CCDC138: variants seen among roughly 807,000 people sequenced by gnomAD.
CCDC138 encodes the protein coiled-coil domain containing 138.
Under a neutral mutation model 82.3 loss-of-function variants are expected in CCDC138, and 66 were observed. That is an observed-to-expected ratio of 0.80 (90% CI 0.66 to 0.98). The LOEUF is 0.98. Ranked by LOEUF, CCDC138 falls within the 50% of genes least tolerant of loss-of-function variation. CCDC138 has a pLI of 0.00. For missense variants in CCDC138, 816 were observed against 758.9 expected, an observed-to-expected ratio of 1.08 and a Z score of -0.88; for synonymous variants, 297 against 265.4, an observed-to-expected ratio of 1.12 and a Z score of -1.16.
At chr2:108,797,709 A>C (rs1019926172) in intron 5 of CCDC138, among the ~76,000 whole-genome samples, 1 of 152,162 alleles carries the variant, frequency 6.6e-6, no homozygotes, top group Non-Finnish European at 1.5e-5. Context: ...TATGAGAAAG[A>C]GATTGATGTT....
At chr2:108,850,733 G>C (rs1691332558) in intron 12 of CCDC138, among the ~76,000 whole-genome samples, 1 of 152,164 alleles carries the variant, frequency 6.6e-6, no homozygotes, top group South Asian at 2.1e-4. Context: ...TTACAGGCGT[G>C]AGCCACTGCG....
At chr2:108,853,632 T>C (rs1168663049) in intron 12 of CCDC138, among the ~76,000 whole-genome samples, 1 of 150,278 alleles carries the variant, frequency 6.7e-6, no homozygotes, top group Non-Finnish European at 1.5e-5. Flanking sequence ...GCTCAAGCAG[T>C]CCTCTTGCCT....
At chr2:108,814,387 G>C (rs994766457) in intron 9 of CCDC138, among the ~76,000 whole-genome samples, 2 of 152,028 alleles carry the variant, frequency 1.3e-5, no homozygotes, top group Middle Eastern at 3.2e-3. Context: ...TTTATAAATT[G>C]AGAAAATTGG....
chr2:108,844,957 A>G (rs1690188935), intron 11 of CCDC138, among the ~76,000 whole-genome samples: 1 of 152,110 alleles, frequency 6.6e-6, no homozygotes, highest in Admixed American at 6.5e-5. Flanking sequence ...CATGTTGGCC[A>G]GAATGGTCTT....
intron 10 of CCDC138, among the ~76,000 whole-genome samples, chr2:108,827,428 A>T (rs1240947368): frequency 1.3e-5 from 2 of 152,232 alleles, no homozygotes; most frequent in African/African-American, 4.8e-5. Flanking sequence ...TGATATGAAA[A>T]CTTAATTGGA....
intron 7 of CCDC138, among the ~76,000 whole-genome samples, chr2:108,811,468 A>G (rs970420594): frequency 1.3e-5 from 2 of 151,402 alleles, no homozygotes; most frequent in African/African-American, 4.9e-5. Context: ...CTGGTCTTGA[A>G]CTGGGCTCAA....
intron 12 of CCDC138, among the ~76,000 whole-genome samples, chr2:108,853,856 A>ATAT (rs1221951279): frequency 3.1e-5 from 4 of 127,760 alleles, no homozygotes; most frequent in African/African-American, 9.0e-5. Flanking sequence ...TATATACTAT[A>ATAT]TATATAATAT....
intron 10 of CCDC138, among the ~76,000 whole-genome samples, chr2:108,838,069 A>G (rs1688866967): frequency 6.6e-6 from 1 of 152,166 alleles, no homozygotes; most frequent in Admixed American, 6.6e-5. Context: ...GTTAGTTTGA[A>G]TAATTTTGGC....
chr2:108,855,738 T>C (rs531320696), intron 12 of CCDC138, among the ~76,000 whole-genome samples: 5 of 152,338 alleles, frequency 3.3e-5, no homozygotes, highest in Admixed American at 2.0e-4. Context: ...ACACAAGTTA[T>C]TCTAAACTTC....
At chr2:108,829,253 AAT>A (rs1687129270) in intron 10 of CCDC138, among the ~76,000 whole-genome samples, 1 of 152,202 alleles carries the variant, frequency 6.6e-6, no homozygotes, top group African/African-American at 2.4e-5. Context: ...TGCTACCCAC[AAT>A]ATATAAGGAA....
intron 4 of CCDC138, among the ~76,000 whole-genome samples, chr2:108,793,547 TC>T (rs1378939776): frequency 6.6e-6 from 1 of 152,144 alleles, no homozygotes; most frequent in Non-Finnish European, 1.5e-5. Context: ...TACCCTATGA[TC>T]TAGCAATTTT....
At chr2:108,812,251 CAT>C in intron 7 of CCDC138, among the ~76,000 whole-genome samples, 1 of 152,228 alleles carries the variant, frequency 6.6e-6, no homozygotes. Flanking sequence ...CACATATACA[CAT>C]AGTCCCAGTA....
chr2:108,796,110 G>A (rs1329684064), intron 5 of CCDC138, among the ~76,000 whole-genome samples: 4 of 152,030 alleles, frequency 2.6e-5, no homozygotes, highest in Non-Finnish European at 5.9e-5. Context: ...GTGCAGTGGC[G>A]CAATCTCGGC....
chr2:108,849,662 A>AAAAAAG (rs1691108946), intron 12 of CCDC138, among the ~76,000 whole-genome samples: 1 of 152,180 alleles, frequency 6.6e-6, no homozygotes, highest in African/African-American at 2.4e-5. Context: ...TGGTGGCCTC[A>AAAAAAG]AAAAAGAAAA....
chr2:108,818,725 T>G (rs1685177458), intron 10 of CCDC138, among the ~76,000 whole-genome samples: 1 of 152,130 alleles, frequency 6.6e-6, no homozygotes, highest in South Asian at 2.1e-4. Context: ...TGTTAACCAC[T>G]TGGGCAAGCA....
At chr2:108,799,674 T>C (rs74494662) in intron 6 of CCDC138, among the ~76,000 whole-genome samples, 2 of 152,216 alleles carry the variant, frequency 1.3e-5, no homozygotes, top group South Asian at 2.1e-4. Flanking sequence ...TTTCTGTCTT[T>C]GGCCAAATTT....
intron 5 of CCDC138, among the ~76,000 whole-genome samples, chr2:108,794,936 G>A (rs1305148388): frequency 2.0e-5 from 3 of 152,212 alleles, no homozygotes; most frequent in Non-Finnish European, 4.4e-5. Flanking sequence ...TTATTTGTAG[G>A]TGTGTGTTTC....
At position 108,815,753 on chromosome 2, in the gene CCDC138, A is replaced by C. The variant is rs1574042002; in HGVS notation, c.1042-188A>C. ...AGTGGTGGGATTACAGGCTTGAGCC[A>C]CTGCGCCAGGCAGGTTGGGGAGGTT... On this transcript the variant is annotated intron_variant, in intron 9 of 14. Coordinates refer to ENST00000295124, the MANE Select transcript of CCDC138 (RefSeq NM_144978.3). Among the ~76,000 whole-genome samples the C allele has an allele frequency of 3.3e-5, 5 of 152,108 alleles. No individual in the cohort carries two copies. The South Asian group carries it at 1.0e-3, about 32-fold the overall frequency.
At position 108,792,940 on chromosome 2, in the gene CCDC138, T is replaced by A. The variant is rs554313387; in HGVS notation, c.394+1138T>A. On this transcript the variant is annotated intron_variant, in intron 4 of 14. Coordinates refer to ENST00000295124, the MANE Select transcript of CCDC138 (RefSeq NM_144978.3). ...TTAGCCAGGCATGGTAGCACGTGCC[T>A]GTAGTCCCAGTTACTCGGGAGGCTG... 2.0e-5 allele frequency among the ~76,000 whole-genome samples: 3 copies of A among 150,890 alleles called. No homozygotes were observed. The South Asian group carries it at 6.3e-4, about 32-fold the overall frequency.
Sources: gnomAD v4.1 joint callset for allele counts (sites outside exome capture counted in the v4.1 genomes callset) on GRCh38, gnomAD v4.1.1 for gene constraint, MANE v1.5 for transcripts, NCBI Gene and HGNC (gene_info 2026-07-23, HGNC 2026-07-21) for gene names.